The following ADGRV1 variants were observed in gnomAD, a reference collection of about 807,000 sequenced individuals.
ADGRV1 encodes the protein adhesion G protein-coupled receptor V1, also known as G-protein coupled receptor 98.
In ADGRV1, 359 loss-of-function variants were observed where a neutral mutation model predicts 596.2. That is an observed-to-expected ratio of 0.60 (90% CI 0.55 to 0.66). The LOEUF (loss-of-function observed/expected upper bound fraction) is 0.66. Among genes scored for constraint, ADGRV1 ranks in the 30% least tolerant of loss-of-function variants. The pLI, the probability that ADGRV1 is intolerant of heterozygous loss-of-function variation, is 0.00. For missense variants in ADGRV1, 7,274 were observed against 7,575.6 expected, an observed-to-expected ratio of 0.96 and a Z score of 1.48; for synonymous variants, 2,681 against 2,679.2, an observed-to-expected ratio of 1.00 and a Z score of -0.02.
At chr5:90,986,985 T>C (rs979468976) in intron 85 of ADGRV1, among the ~76,000 whole-genome samples, 24 of 152,172 alleles carry the variant, frequency 1.6e-4, no homozygotes, top group African/African-American at 5.1e-4. Context: ...ATGAATGTAA[T>C]ATTAATTAGA....
At chr5:90,997,637 A>C (rs1161900193) in intron 85 of ADGRV1, among the ~76,000 whole-genome samples, 3 of 152,202 alleles carry the variant, frequency 2.0e-5, no homozygotes, top group African/African-American at 7.2e-5. Flanking sequence ...TCACAAACTC[A>C]TTGTACTAAA....
chr5:90,721,519 TAAAATAAAAA>T lies in ADGRV1; in HGVS notation c.9748+461_9748+470del, dbSNP rs1165035607. Reference sequence around the variant, plus strand: ...ACTTGGTCTAAAAAATAAAATAAAATAAAATAAAAATAAAAATAAAATAAAATAAAATAAA... The same window carrying T: ...ACTTGGTCTAAAAAATAAAATAAAATTAAAAATAAAATAAAATAAAATAAA... On this transcript the variant is annotated intron_variant, in intron 45 of 89. Coordinates refer to ENST00000405460, the MANE Select transcript of ADGRV1 (RefSeq NM_032119.4). Among the ~76,000 whole-genome samples the T allele has an allele frequency of 2.1e-3, 111 of 52,048 alleles. 3 individuals are homozygous for T. Among genetic ancestry groups the T allele is most frequent in the African/African-American group, 0.011 (72 of 6,778 alleles). 34.1% of individuals were successfully genotyped at this position (52,048 alleles called of 152,430 possible).
At chr5:90,952,454 G>T (rs1204900986) in intron 83 of ADGRV1, among the ~76,000 whole-genome samples, 2 of 152,122 alleles carry the variant, frequency 1.3e-5, no homozygotes, top group Non-Finnish European at 2.9e-5. Flanking sequence ...CATTTATGAT[G>T]GAGGGAGGGG....
At chr5:91,019,417 CT>C (rs554732814) in intron 85 of ADGRV1, among the ~76,000 whole-genome samples, 118 of 152,066 alleles carry the variant, frequency 7.8e-4, no homozygotes, top group African/African-American at 2.7e-3. Context: ...GCCAGAACAC[CT>C]TTAACCACTT....
At chr5:90,706,990 C>A (rs1378032617) in intron 38 of ADGRV1, among the ~76,000 whole-genome samples, 1 of 151,854 alleles carries the variant, frequency 6.6e-6, no homozygotes, top group Admixed American at 6.6e-5. Flanking sequence ...AGGGCAGTCA[C>A]CTTTGAGATG....
At chr5:90,960,101 T>G (rs934184155) in intron 83 of ADGRV1, among the ~76,000 whole-genome samples, 1 of 146,790 alleles carries the variant, frequency 6.8e-6, no homozygotes, top group Non-Finnish European at 1.5e-5. Flanking sequence ...ATCGCGCCAC[T>G]GCACTCCAGC....
chr5:90,676,203 G>A lies in ADGRV1; in HGVS notation c.5437G>A (p.Gly1813Arg). 1 of 1,603,704 alleles carries A rather than the reference G, an allele frequency of 6.2e-7. No individual in the cohort carries two copies. The change falls in exon 25 of 90, where the codon GGA (glycine) becomes AGA (arginine). Residue 1813 changes from glycine (G) to arginine (R), a missense_variant. Gly to Arg is a moderately radical substitution (Grantham distance 125). This residue lies in a region of ADGRV1 where 3,643 missense variants were observed against 3,809.2 expected (regional missense o/e 0.96). Transcript: ENST00000405460. ...TAAAGTTGAGTTGTTAAACTTGGAA[G>A]GAGGAGGTAAGGCTGGTGATTCAAA... ...SFKVELLNLE[G>R]GVAELFRVDG...
At chr5:90,814,586 G>C (rs1321963199) in intron 74 of ADGRV1, among the ~76,000 whole-genome samples, 1 of 152,028 alleles carries the variant, frequency 6.6e-6, no homozygotes, top group African/African-American at 2.4e-5. Context: ...GTGAGTTCTC[G>C]TGAGATCTGA....
At chr5:90,823,037 G>A (rs911508769) in intron 75 of ADGRV1, among the ~76,000 whole-genome samples, 17 of 152,188 alleles carry the variant, frequency 1.1e-4, no homozygotes, top group Non-Finnish European at 1.3e-4. Context: ...GGGCTGAGAT[G>A]ATGGGGTTTT....
chr5:90,860,242 C>T (rs1309419011), intron 82 of ADGRV1, among the ~76,000 whole-genome samples: 1 of 152,098 alleles, frequency 6.6e-6, no homozygotes, highest in Non-Finnish European at 1.5e-5. Context: ...AACTCCTTTC[C>T]CCTAATACAC....
At chr5:90,747,431 G>T (rs1048957138) in intron 52 of ADGRV1, among the ~76,000 whole-genome samples, 1 of 151,964 alleles carries the variant, frequency 6.6e-6, no homozygotes, top group African/African-American at 2.4e-5. Flanking sequence ...GATTTATTAC[G>T]GCAAAGAATA....
intron 83 of ADGRV1, among the ~76,000 whole-genome samples, chr5:90,906,451 TG>T (rs1772332611): frequency 6.6e-6 from 1 of 152,152 alleles, no homozygotes; most frequent in African/African-American, 2.4e-5. Context: ...GGTTCAGTCT[TG>T]GTAGGTTGTA....
chr5:90,567,756 C>A (rs902315090), intron 1 of ADGRV1, among the ~76,000 whole-genome samples: 1 of 147,482 alleles, frequency 6.8e-6, no homozygotes, highest in Non-Finnish European at 1.5e-5. Context: ...TTTTTTTTGA[C>A]AGAATCTTGG....
intron 87 of ADGRV1, among the ~76,000 whole-genome samples, chr5:91,145,104 T>A (rs140077642): frequency 0.012 from 1,793 of 152,372 alleles, 17 homozygotes; most frequent in Non-Finnish European, 0.019. Flanking sequence ...AATCTGCGTT[T>A]AAACATTCTT....
chr5:90,559,406 C>G (rs957727075), intron 1 of ADGRV1, among the ~76,000 whole-genome samples: 4 of 152,014 alleles, frequency 2.6e-5, no homozygotes, highest in African/African-American at 9.7e-5. Context: ...CGAAGAATTT[C>G]AGTGAAATAT....
chr5:90,635,215 T>C lies in ADGRV1; in HGVS notation c.1941T>C (p.Ile647=), dbSNP rs756926137. The C allele has an allele frequency of 4.3e-6, 7 of 1,613,464 alleles. No individual in the cohort carries two copies. The highest frequency in any genetic ancestry group is 5.9e-6 in the Non-Finnish European group (7 of 1,179,662). Residue 647 remains isoleucine (I), a synonymous_variant, in exon 10 of 90, where the codon ATT becomes ATC. Coordinates refer to ENST00000405460, the MANE Select transcript of ADGRV1 (RefSeq NM_032119.4). ...TTTCTTTACTGGTTACTCCAGCCAT[T>C]GCAAATGGAGAAATTGGCTTTCTCA... ...CNISLLVTPA[I]ANGEIGFLSN...
chr5:90,777,774 A>G, intron 61 of ADGRV1, 131 bp from the exon 62 acceptor site: 1 of 792,918 alleles, frequency 1.3e-6, no homozygotes, highest in Non-Finnish European at 1.9e-6. Flanking sequence ...TAGTTTGGTA[A>G]ATGAGGTTAT....
At chr5:90,805,029 C>A in intron 71 of ADGRV1, 1 of 290,092 alleles carries the variant, frequency 3.4e-6, no homozygotes, top group Non-Finnish European at 6.3e-6. Flanking sequence ...TTATGCTTAT[C>A]TTTTTTTGGA....
rs1438491235 is a variant in ADGRV1, at chr5:90,853,533, G to C, written c.17454G>C (p.Lys5818Asn). 1 of 1,606,868 alleles carries C rather than the reference G, an allele frequency of 6.2e-7. No individual in the cohort carries two copies. The highest frequency in any genetic ancestry group is 2.2e-5 in the East Asian group (1 of 44,766). The change falls in exon 80 of 90, where the codon AAG becomes AAC. Residue 5818 changes from lysine (K) to asparagine (N), a missense_variant and splice_region_variant. Physicochemically the swap from Lys to Asn is moderately conservative, Grantham distance 94. Transcript: ENST00000405460. ...SGNNLPTLKN[K>N]VLSLSVKGQS... is the part of the protein sequence containing the mutation. ...ACAATCTTCCTACCCTAAAAAATAA[G>C]GTAATCTTTCATTCAAAACACTTAT...
Sources: gnomAD v4.1 joint callset for allele counts (sites outside exome capture counted in the v4.1 genomes callset) on GRCh38, gnomAD v4.1.1 for gene constraint, gnomAD v4.1.1 regional missense constraint, MANE v1.5 for transcripts, NCBI Gene and HGNC (gene_info 2026-07-23, HGNC 2026-07-21) for gene names.